The following LRCH1 variants were observed in gnomAD, a reference collection of about 807,000 sequenced individuals.
LRCH1 encodes the protein leucine rich repeats and calponin homology domain containing 1.
A neutral mutation model predicts 94.9 loss-of-function variants in LRCH1; 23 were observed. That is an observed-to-expected ratio of 0.24 (90% CI 0.17 to 0.34). The LOEUF (loss-of-function observed/expected upper bound fraction) is 0.34, where lower values mean the gene tolerates loss of function less well. LRCH1 is among the 10% of genes least tolerant of loss of function. LRCH1 has a pLI of 1.00. For synonymous variants in LRCH1, 364 were observed against 354.9 expected, an observed-to-expected ratio of 1.03 and a Z score of -0.29; for missense variants, 790 against 945.9, an observed-to-expected ratio of 0.84 and a Z score of 2.16.
At chr13:46,724,773 A>G (rs967471144) in intron 17 of LRCH1, among the ~76,000 whole-genome samples, 1 of 152,266 alleles carries the variant, frequency 6.6e-6, no homozygotes, top group African/African-American at 2.4e-5. Context: ...AAGAAGTGTC[A>G]TAACTGTGAA....
At chr13:46,697,729 C>G (rs769679609) in intron 9 of LRCH1, among the ~76,000 whole-genome samples, 38 of 152,150 alleles carry the variant, frequency 2.5e-4, no homozygotes, top group Non-Finnish European at 5.4e-4. Flanking sequence ...AGATGACCTC[C>G]AGAGCACCAC....
intron 1 of LRCH1, among the ~76,000 whole-genome samples, chr13:46,634,629 CAG>C (rs2138051194): frequency 6.6e-6 from 1 of 152,366 alleles, no homozygotes; most frequent in African/African-American, 2.4e-5. Context: ...TCAACCTTTG[CAG>C]AGTTGAGATA....
chr13:46,725,851 A>G lies in LRCH1; in HGVS notation c.1869+2521A>G, dbSNP rs186174848. Among the ~76,000 whole-genome samples the G allele has an allele frequency of 9.9e-4, 151 of 152,348 alleles. 1 individual carries two copies. Among genetic ancestry groups the G allele is most frequent in the African/African-American group, 2.7e-3 (111 of 41,588 alleles). ...TGGGAAGGTGAACTTTATGAAATCT[A>G]TGCAACTAAGATCAGAAGCTGAGCT... On this transcript the variant is annotated intron_variant, in intron 17 of 19. Transcript: ENST00000389797.
chr13:46,700,214 G>A (rs778880846), intron 10 of LRCH1, among the ~76,000 whole-genome samples: 1 of 152,182 alleles, frequency 6.6e-6, no homozygotes, highest in African/African-American at 2.4e-5. Context: ...TGGGAGGCAG[G>A]TGTTGACTCT....
intron 3 of LRCH1, among the ~76,000 whole-genome samples, chr13:46,674,030 C>A (rs1425478560): frequency 6.6e-6 from 1 of 152,188 alleles, no homozygotes. Flanking sequence ...GATCCACCCA[C>A]CTTGGCCTCC....
At chr13:46,712,417 G>T in intron 14 of LRCH1, 108 bp from the exon 15 acceptor site, 2 of 819,504 alleles carry the variant, frequency 2.4e-6, no homozygotes, top group Non-Finnish European at 4.0e-6. Flanking sequence ...AGCAGCGAAT[G>T]CAAAAAGGGA....
At chr13:46,652,723 C>G (rs1359797708) in intron 2 of LRCH1, among the ~76,000 whole-genome samples, 2 of 152,158 alleles carry the variant, frequency 1.3e-5, no homozygotes, top group African/African-American at 4.8e-5. Flanking sequence ...CTTACCTACT[C>G]CTGTCCTGCT....
At position 46,744,189 on chromosome 13, in the gene LRCH1, C is replaced by G; in HGVS notation, c.*2341C>G. The G allele has an allele frequency of 1.0e-6, 1 of 985,398 alleles. No individual in the cohort carries two copies. The highest frequency in any genetic ancestry group is 4.7e-5 in the South Asian group (1 of 21,282). The allele number at this position is 985,398 out of a possible 1,614,324, so 61.0% of individuals were successfully genotyped here. On this transcript the variant is annotated 3_prime_UTR_variant, in exon 20 of 20. Transcript: ENST00000389797. ...TGCCTGCGGATGCCTGCCCTTGCAG[C>G]TTGACTGGGGATACCTGGCTGACCT...
Position 46,596,286 on chromosome 13 carries a change from G to C in LRCH1, c.307+42583G>C, listed in dbSNP as rs143000147. Among the ~76,000 whole-genome samples the C allele has an allele frequency of 2.1e-3, 316 of 152,306 alleles. 1 individual carries two copies. The highest frequency in any genetic ancestry group is 7.4e-3 in the African/African-American group (308 of 41,558). Reference sequence around the variant, plus strand: ...GTGATCCTAATGAACACCGAGGAAAGCTTGTATTGCAGCCCTAAATATTAC... The same window carrying C: ...GTGATCCTAATGAACACCGAGGAAACCTTGTATTGCAGCCCTAAATATTAC... On this transcript the variant is annotated intron_variant, in intron 1 of 19. Transcript: ENST00000389797.
At position 46,553,255 on chromosome 13, in the gene LRCH1, T is replaced by A; in HGVS notation, c.-142T>A. 9 of 308,184 alleles carry A rather than the reference T, an allele frequency of 2.9e-5. No individual in the cohort carries two copies. The highest frequency in any genetic ancestry group is 4.7e-5 in the Admixed American group (1 of 21,478). 19.1% of individuals were successfully genotyped at this position (308,184 alleles called of 1,614,324 possible). ...CCGCCCGCCCCCCATTCTACGCGCC[T>A]GCCCACACCCTCCTCCCCTCCTTCC... On this transcript the variant is annotated 5_prime_UTR_variant, in exon 1 of 20. Coordinates refer to ENST00000389797, the MANE Select transcript of LRCH1 (RefSeq NM_001164211.2).
chr13:46,565,903 G>A (rs553824666), intron 1 of LRCH1, among the ~76,000 whole-genome samples: 5 of 151,348 alleles, frequency 3.3e-5, no homozygotes, highest in Non-Finnish European at 5.9e-5. Context: ...ACTGAGTCTC[G>A]CAGAGAAGAG....
chr13:46,663,858 C>G (rs142930885), intron 2 of LRCH1, among the ~76,000 whole-genome samples: 8 of 152,266 alleles, frequency 5.3e-5, no homozygotes, highest in Non-Finnish European at 4.4e-5. Flanking sequence ...AGATTCAGGC[C>G]TGTGTCATTT....
At chr13:46,733,689 C>T (rs1873226808) in intron 18 of LRCH1, among the ~76,000 whole-genome samples, 1 of 151,864 alleles carries the variant, frequency 6.6e-6, no homozygotes, top group Admixed American at 6.6e-5. Flanking sequence ...TCTATGTAGG[C>T]ATATATGAAC....
intron 9 of LRCH1, among the ~76,000 whole-genome samples, chr13:46,695,358 T>A (rs1027515800): frequency 6.6e-6 from 1 of 152,244 alleles, no homozygotes; most frequent in African/African-American, 2.4e-5. Flanking sequence ...TAAATCCTTT[T>A]CTTGGGAGTA....
At chr13:46,721,879 A>T (rs1002267392) in intron 16 of LRCH1, among the ~76,000 whole-genome samples, 1 of 152,244 alleles carries the variant, frequency 6.6e-6, no homozygotes, top group African/African-American at 2.4e-5. Flanking sequence ...ATGTGAATTC[A>T]AGAATCTTAG....
At chr13:46,640,389 A>G (rs1174285315) in intron 1 of LRCH1, among the ~76,000 whole-genome samples, 1 of 152,200 alleles carries the variant, frequency 6.6e-6, no homozygotes, top group Non-Finnish European at 1.5e-5. Flanking sequence ...TGAGGCATAG[A>G]GAAATTAAGT....
chr13:46,722,303 G>A (rs1398788378), intron 16 of LRCH1, among the ~76,000 whole-genome samples: 3 of 152,016 alleles, frequency 2.0e-5, no homozygotes, highest in Admixed American at 2.0e-4. Context: ...TGGGATGGGG[G>A]AGCCAAGGCT....
intron 1 of LRCH1, among the ~76,000 whole-genome samples, chr13:46,611,833 A>G (rs2050751243): frequency 1.3e-5 from 2 of 152,244 alleles, no homozygotes; most frequent in Admixed American, 6.5e-5. Flanking sequence ...TAAAATTTGA[A>G]ATTGCATAGG....
At chr13:46,734,043 T>G (rs1211801137) in intron 19 of LRCH1, 45 bp downstream of exon 19, 2 of 1,059,804 alleles carry the variant, frequency 1.9e-6, no homozygotes, top group Admixed American at 2.1e-5. Context: ...AGTAAAAATT[T>G]TATTTAATAT....
Sources: allele counts gnomAD v4.1 joint callset (sites outside exome capture counted in the v4.1 genomes callset), GRCh38; gene constraint gnomAD v4.1.1; transcripts MANE v1.5; gene names NCBI Gene and HGNC (gene_info 2026-07-23, HGNC 2026-07-21).